Variants in TBC1D14 observed in about 807,000 individuals in gnomAD.
TBC1D14 encodes the protein TBC1 domain family, member 14.
Under a neutral mutation model 79.0 loss-of-function variants are expected in TBC1D14, and 26 were observed. The observed-to-expected ratio is 0.33, with a 90% CI of 0.24 to 0.46. The LOEUF (loss-of-function observed/expected upper bound fraction) is 0.46. Ranked by LOEUF, TBC1D14 falls within the 20% of genes least tolerant of loss-of-function variation. The probability of loss-of-function intolerance (pLI) is 1.00; values close to 1 mark genes in which losing one functional copy is unlikely to be tolerated. For synonymous variants in TBC1D14, 394 were observed against 349.9 expected (o/e 1.13, Z -1.40); for missense variants, 769 against 887.6 (o/e 0.87, Z 1.70).
intron 12 of TBC1D14, among the ~76,000 whole-genome samples, chr4:7,016,713 A>T (rs2109280384): frequency 6.6e-6 from 1 of 152,318 alleles, no homozygotes; most frequent in East Asian, 1.9e-4. Context: ...AAGCATTCTG[A>T]AATATTGTAC....
intron 2 of TBC1D14, among the ~76,000 whole-genome samples, chr4:6,945,749 C>CAAAAAAAAAAAAAAAA (rs71173472): frequency 6.2e-5 from 4 of 64,134 alleles, no homozygotes; most frequent in Non-Finnish European, 1.1e-4. Context: ...AACTGCGTCT[C>CAAAAAAAAAAAAAAAA]AAAAAAAAAA....
At chr4:6,914,479 T>G (rs1723236677) in intron 1 of TBC1D14, among the ~76,000 whole-genome samples, 3 of 152,234 alleles carry the variant, frequency 2.0e-5, no homozygotes, top group African/African-American at 7.2e-5. Context: ...ATCCACTGTT[T>G]TAGGCTGTGT....
chr4:7,010,584 T>C (rs967588643), intron 10 of TBC1D14, 69 bp from the exon 11 acceptor site: 1 of 1,549,730 alleles, frequency 6.5e-7, no homozygotes, highest in African/African-American at 1.4e-5. Flanking sequence ...TTGTCTTTGC[T>C]AAAAATGAAC....
chr4:6,912,553 A>G (rs970744934), intron 1 of TBC1D14, among the ~76,000 whole-genome samples: 12 of 152,122 alleles, frequency 7.9e-5, no homozygotes, highest in African/African-American at 2.9e-4. Flanking sequence ...TCAGTATCAC[A>G]CGGCAGGTGT....
intron 13 of TBC1D14, among the ~76,000 whole-genome samples, chr4:7,028,572 G>A (rs942203220): frequency 6.6e-6 from 1 of 151,796 alleles, no homozygotes; most frequent in Non-Finnish European, 1.5e-5. Context: ...GATTACAGGC[G>A]CCCGCCTCCA....
chr4:6,949,512 A>G (rs1417821655), intron 2 of TBC1D14, among the ~76,000 whole-genome samples: 2 of 152,256 alleles, frequency 1.3e-5, no homozygotes, highest in East Asian at 3.9e-4. Flanking sequence ...GCAAAACTCC[A>G]TCTCTATTAA....
chr4:6,930,529 G>T (rs541398274), intron 2 of TBC1D14, among the ~76,000 whole-genome samples: 1 of 152,352 alleles, frequency 6.6e-6, no homozygotes, highest in East Asian at 1.9e-4. Context: ...CAGGCGCAGT[G>T]GCTCACGCCT....
At chr4:7,014,682 G>C in intron 12 of TBC1D14, 125 bp downstream of exon 12, 2 of 666,080 alleles carry the variant, frequency 3.0e-6, no homozygotes, top group Admixed American at 2.4e-5. Flanking sequence ...AGCCTTCCCT[G>C]ATGGCCCTGC....
intron 6 of TBC1D14, among the ~76,000 whole-genome samples, chr4:6,999,849 G>T (rs966432947): frequency 6.6e-6 from 1 of 152,172 alleles, no homozygotes; most frequent in African/African-American, 2.4e-5. Flanking sequence ...GTGTCCAGTA[G>T]AGTGCACCTG....
At chr4:6,975,903 G>A (rs111329569) in intron 3 of TBC1D14, among the ~76,000 whole-genome samples, 2,271 of 152,218 alleles carry the variant, frequency 0.015, 66 homozygotes, top group African/African-American at 0.052. Context: ...GACCAGCCTG[G>A]CCAATGTGGC....
chr4:7,008,481 C>T (rs1000672420), intron 9 of TBC1D14, among the ~76,000 whole-genome samples: 1 of 152,188 alleles, frequency 6.6e-6, no homozygotes, highest in East Asian at 1.9e-4. Flanking sequence ...GGCATGATCT[C>T]GGCTCACCGC....
chr4:6,987,076 C>CAGCCCCGCCCCT (rs1269974405), intron 3 of TBC1D14: 2 of 905,630 alleles, frequency 2.2e-6, no homozygotes, highest in East Asian at 8.5e-5. Context: ...GGGGACGCCC[C>CAGCCCCGCCCCT]AGCCCCGCCC....
At chr4:6,919,633 T>C (rs1039759003) in intron 1 of TBC1D14, among the ~76,000 whole-genome samples, 18 of 152,192 alleles carry the variant, frequency 1.2e-4, no homozygotes, top group African/African-American at 3.9e-4. Flanking sequence ...TTTATTTATT[T>C]ATTTTGAGAT....
intron 9 of TBC1D14, among the ~76,000 whole-genome samples, chr4:7,008,837 T>G (rs1720476212): frequency 6.6e-6 from 1 of 152,210 alleles, no homozygotes; most frequent in South Asian, 2.1e-4. Flanking sequence ...AGAAGTTCAG[T>G]GTAATGCTCT....
chr4:7,019,320 C>G (rs796533492), intron 12 of TBC1D14, among the ~76,000 whole-genome samples: 1 of 152,058 alleles, frequency 6.6e-6, no homozygotes, highest in African/African-American at 2.4e-5. Context: ...GCGCCCAGCT[C>G]GAGTTCCCAT....
intron 3 of TBC1D14, among the ~76,000 whole-genome samples, chr4:6,986,563 G>A (rs1441153936): frequency 6.6e-6 from 1 of 152,216 alleles, no homozygotes; most frequent in African/African-American, 2.4e-5. Flanking sequence ...TGCGGGGGGA[G>A]CCTTGGGCTA....
At chr4:6,939,327 C>A (rs908092389) in intron 2 of TBC1D14, among the ~76,000 whole-genome samples, 3 of 151,436 alleles carry the variant, frequency 2.0e-5, no homozygotes, top group Admixed American at 2.0e-4. Flanking sequence ...ACAGGAGCCC[C>A]CCCCAGGAAG....
At chr4:6,949,637 C>G (rs1261312093) in intron 2 of TBC1D14, among the ~76,000 whole-genome samples, 1 of 148,028 alleles carries the variant, frequency 6.8e-6, no homozygotes, top group Non-Finnish European at 1.5e-5. Context: ...GAGCTGAGAT[C>G]GTGCCACTGC....
At chr4:7,006,241 T>A (rs916230491) in intron 8 of TBC1D14, among the ~76,000 whole-genome samples, 1 of 151,726 alleles carries the variant, frequency 6.6e-6, no homozygotes, top group East Asian at 1.9e-4. Context: ...CTAGTGAGTT[T>A]ACACTGAAGA....
Sources: allele counts gnomAD v4.1 joint callset (sites outside exome capture counted in the v4.1 genomes callset), GRCh38; gene constraint gnomAD v4.1.1; transcripts MANE v1.5; gene names NCBI Gene and HGNC (gene_info 2026-07-23, HGNC 2026-07-21).